ZBTB40: variants seen among roughly 807,000 people sequenced by gnomAD.
The protein encoded by ZBTB40 is zinc finger and BTB domain-containing protein 40.
In ZBTB40, 60 loss-of-function variants were observed where a neutral mutation model predicts 117.5. The ratio of observed to expected loss-of-function variants is 0.51; its 90% CI spans 0.41 to 0.63. ZBTB40 has a LOEUF of 0.63. Among genes scored for constraint, ZBTB40 ranks in the 30% least tolerant of loss-of-function variants. The pLI is 0.00. For synonymous variants in ZBTB40, 525 were observed against 577.1 expected (o/e 0.91, Z 1.29); for missense variants, 1,287 against 1,498.5 (o/e 0.86, Z 2.33).
At chr1:22,520,737 T>C (rs896216800) in intron 14 of ZBTB40, among the ~76,000 whole-genome samples, 6 of 152,216 alleles carry the variant, frequency 3.9e-5, no homozygotes, top group African/African-American at 1.2e-4. Flanking sequence ...TGAAGCCCCA[T>C]ATAGAACTAA....
intron 1 of ZBTB40, among the ~76,000 whole-genome samples, chr1:22,466,773 A>G (rs186220601): frequency 2.6e-5 from 4 of 151,440 alleles, no homozygotes; most frequent in East Asian, 1.9e-4. Context: ...AGTTCCGGAT[A>G]CTAGATTCTG....
Position 22,490,284 on chromosome 1 carries a change from T to C in ZBTB40, c.336T>C (p.Leu112=). 1 of 1,614,200 alleles carries C rather than the reference T, an allele frequency of 6.2e-7. No homozygotes were observed. The highest frequency in any genetic ancestry group is 8.5e-7 in the Non-Finnish European group (1 of 1,180,030). The change falls in exon 2 of 18, where the codon CTT becomes CTC. Residue 112 remains leucine (L), a synonymous_variant. Transcript: ENST00000375647. The part of the protein sequence containing the change: ...MFDVAVSCKN[L]LTSLVNCSVQ... ...ATGTAGCTGTTAGCTGCAAAAATCT[T>C]CTGACCAGCCTTGTAAACTGCTCGG...
intron 1 of ZBTB40, among the ~76,000 whole-genome samples, chr1:22,476,248 C>T (rs1641546327): frequency 6.6e-6 from 1 of 152,164 alleles, no homozygotes; most frequent in Non-Finnish European, 1.5e-5. Context: ...TCTTTTGAGA[C>T]AGTCTTACTC....
At chr1:22,521,345 T>A in intron 14 of ZBTB40, 151 bp from the exon 15 acceptor site, 1 of 1,002,988 alleles carries the variant, frequency 1.0e-6, no homozygotes, top group Non-Finnish European at 1.5e-6. Context: ...CAGGCTTTCC[T>A]CACATCAGCA....
intron 9 of ZBTB40, among the ~76,000 whole-genome samples, chr1:22,510,347 A>G (rs999002285): frequency 4.6e-5 from 7 of 152,210 alleles, no homozygotes; most frequent in African/African-American, 1.4e-4. Context: ...GCTTCAGAGG[A>G]AAGACTCATC....
intron 1 of ZBTB40, among the ~76,000 whole-genome samples, chr1:22,440,613 T>C (rs1222349642): frequency 6.6e-6 from 1 of 152,250 alleles, no homozygotes; most frequent in Non-Finnish European, 1.5e-5. Context: ...GTGCATTTTT[T>C]ATATATGGCT....
At chr1:22,449,924 C>T (rs965226663), upstream of ZBTB40, among the ~76,000 whole-genome samples, 2 of 150,468 alleles carry the variant, frequency 1.3e-5, no homozygotes, top group Non-Finnish European at 2.9e-5. Context: ...TTTTAAAATC[C>T]ATTAATTCGA....
At chr1:22,489,125 G>A (rs1345269574) in intron 1 of ZBTB40, among the ~76,000 whole-genome samples, 2 of 152,190 alleles carry the variant, frequency 1.3e-5, no homozygotes, top group African/African-American at 2.4e-5. Flanking sequence ...AGTTGGAGAT[G>A]TTGAATAGGT....
intron 13 of ZBTB40, 87 bp from the exon 14 acceptor site, chr1:22,519,974 A>G: frequency 1.7e-6 from 2 of 1,186,378 alleles, no homozygotes; most frequent in South Asian, 1.2e-5. Context: ...GTTGCTGTAC[A>G]CAACAACCAG....
upstream of ZBTB40, among the ~76,000 whole-genome samples, chr1:22,448,235 G>A (rs572003255): frequency 6.6e-5 from 10 of 152,264 alleles, no homozygotes; most frequent in South Asian, 1.9e-3. Flanking sequence ...TATGTCAATC[G>A]ATCTATCTCT....
intron 6 of ZBTB40, 143 bp downstream of exon 6, chr1:22,506,384 G>A (rs1313233327): frequency 3.5e-5 from 30 of 867,128 alleles, no homozygotes; most frequent in Admixed American, 8.8e-5. Flanking sequence ...GTCATAAATC[G>A]ATAATTCTCG....
intron 10 of ZBTB40, 86 bp downstream of exon 10, chr1:22,511,433 T>G: frequency 6.4e-7 from 1 of 1,555,712 alleles, no homozygotes; most frequent in Non-Finnish European, 8.8e-7. Context: ...CATATCATAG[T>G]TTATCACAAC....
chr1:22,491,931 T>C (rs1638641288), intron 3 of ZBTB40, among the ~76,000 whole-genome samples: 1 of 152,202 alleles, frequency 6.6e-6, no homozygotes, highest in Non-Finnish European at 1.5e-5. Flanking sequence ...TATATAAACT[T>C]ATAAATTATT....
At chr1:22,460,757 T>C (rs771893187) in intron 1 of ZBTB40, among the ~76,000 whole-genome samples, 14 of 152,220 alleles carry the variant, frequency 9.2e-5, no homozygotes, top group African/African-American at 1.2e-4. Flanking sequence ...TTTCAAACTT[T>C]AGGCTCTAGC....
At chr1:22,464,172 G>C (rs758017602) in intron 1 of ZBTB40, among the ~76,000 whole-genome samples, 16 of 152,210 alleles carry the variant, frequency 1.1e-4, no homozygotes, top group Non-Finnish European at 1.8e-4. Flanking sequence ...TCTGCATTTT[G>C]TAGATGAGGA....
At chr1:22,507,600 G>A (rs921119367) in intron 6 of ZBTB40, among the ~76,000 whole-genome samples, 4 of 152,118 alleles carry the variant, frequency 2.6e-5, no homozygotes, top group African/African-American at 7.2e-5. Context: ...GAAAAACCAC[G>A]GGTCAGCTTC....
chr1:22,480,198 G>A (rs1011604505), intron 1 of ZBTB40, among the ~76,000 whole-genome samples: 5 of 151,970 alleles, frequency 3.3e-5, no homozygotes, highest in African/African-American at 1.2e-4. Context: ...GAGCCACTGC[G>A]CCCAGCCAGG....
At chr1:22,488,591 C>G (rs1335080867) in intron 1 of ZBTB40, among the ~76,000 whole-genome samples, 1 of 152,102 alleles carries the variant, frequency 6.6e-6, no homozygotes, top group Non-Finnish European at 1.5e-5. Context: ...GTTCTCAGAG[C>G]AGAATGGGTG....
intron 3 of ZBTB40, among the ~76,000 whole-genome samples, chr1:22,492,711 T>C (rs946975887): frequency 1.3e-5 from 2 of 152,232 alleles, no homozygotes; most frequent in African/African-American, 4.8e-5. Flanking sequence ...TAACTGACAG[T>C]CGACTATACA....
Sources: gnomAD v4.1 joint callset for allele counts (sites outside exome capture counted in the v4.1 genomes callset) on GRCh38, gnomAD v4.1.1 for gene constraint, MANE v1.5 for transcripts, NCBI Gene and HGNC (gene_info 2026-07-23, HGNC 2026-07-21) for gene names.